Variants in BOC observed in about 807,000 individuals in gnomAD.
BOC encodes the protein BOC cell adhesion associated, oncogene regulated, also known as brother of CDO.
A neutral mutation model predicts 112.0 loss-of-function variants in BOC; 76 were observed. The ratio of observed to expected loss-of-function variants is 0.68; its 90% CI spans 0.56 to 0.82. The LOEUF is 0.82. Ranked by LOEUF, BOC falls within the 40% of genes least tolerant of loss-of-function variation. The pLI is 0.00. For missense variants in BOC, 1,309 were observed against 1,511.7 expected, an observed-to-expected ratio of 0.87 and a Z score of 2.22; for synonymous variants, 580 against 599.8, an observed-to-expected ratio of 0.97 and a Z score of 0.48.
chr3:113,281,304 C>T (rs1173183651), intron 15 of BOC, 151 bp downstream of exon 15: 2 of 968,110 alleles, frequency 2.1e-6, no homozygotes, highest in African/African-American at 1.6e-5. Context: ...GTTTCACTCT[C>T]TACTCATTTG....
chr3:113,251,716 CTG>C, intron 4 of BOC: 1 of 152,318 alleles, frequency 6.6e-6, no homozygotes, highest in East Asian at 1.9e-4. Context: ...TCCCTCCCAA[CTG>C]AATAATTCTG....
chr3:113,220,240 C>T (rs192551035), intron 2 of BOC, among the ~76,000 whole-genome samples: 138 of 152,340 alleles, frequency 9.1e-4, no homozygotes, highest in African/African-American at 3.2e-3. Flanking sequence ...GCAGACCTCT[C>T]TACTGGCTTA....
At chr3:113,247,146 CT>C (rs1208188059) in intron 2 of BOC, among the ~76,000 whole-genome samples, 2 of 152,070 alleles carry the variant, frequency 1.3e-5, no homozygotes, top group Admixed American at 1.3e-4. Flanking sequence ...CATTTTCTGT[CT>C]CCCTACCTCC....
intron 12 of BOC, 147 bp downstream of exon 12, chr3:113,279,602 C>T (rs1403984994): frequency 6.8e-6 from 6 of 879,306 alleles, no homozygotes; most frequent in Non-Finnish European, 8.6e-6. Context: ...GTGGTGTTTA[C>T]CACAGTCCTA....
chr3:113,222,925 G>A (rs1168228263), intron 2 of BOC, among the ~76,000 whole-genome samples: 1 of 152,230 alleles, frequency 6.6e-6, no homozygotes, highest in Non-Finnish European at 1.5e-5. Flanking sequence ...GGCTGGTAGG[G>A]CTGGCCCTGT....
chr3:113,231,153 T>C (rs1325052362), intron 2 of BOC, among the ~76,000 whole-genome samples: 4 of 152,158 alleles, frequency 2.6e-5, no homozygotes, highest in Non-Finnish European at 5.9e-5. Flanking sequence ...TATGGGAAGA[T>C]GGGAAGATAA....
At position 113,249,484 on chromosome 3, in the gene BOC, A is replaced by G. The variant is rs573612087; in HGVS notation, c.-81-238A>G. Among the ~76,000 whole-genome samples, 6 of 152,356 alleles carry G rather than the reference A, an allele frequency of 3.9e-5. No individual in the cohort carries two copies. The East Asian group carries it at 1.2e-3, about 29-fold the overall frequency. On this transcript the variant is annotated intron_variant, in intron 2 of 19. Coordinates refer to ENST00000682979, the MANE Select transcript of BOC (RefSeq NM_001378074.1). ...CACTGGGCAAGACTCCAGCATTCTT[A>G]CTACAATAAAATCACCTTCTAGCTA...
chr3:113,274,950 C>T lies in BOC; in HGVS notation c.1542+268C>T, dbSNP rs1165628692. Among the ~76,000 whole-genome samples, 3 of 152,228 alleles carry T rather than the reference C, an allele frequency of 2.0e-5. No individual in the cohort carries two copies. The highest frequency in any genetic ancestry group is 1.9e-4 in the East Asian group (1 of 5,192). On this transcript the variant is annotated intron_variant, in intron 9 of 19. Coordinates refer to ENST00000682979, the MANE Select transcript of BOC (RefSeq NM_001378074.1). The surrounding 1 kb of genome is among the most constrained non-coding windows in gnomAD (Gnocchi z 4.8). ...TACTAAGCTCTATGCACTCAATTCC[C>T]AGAAGCTCACACTGGCTTCTAGTCC... is the stretch of plus-strand genomic sequence containing the variant.
intron 2 of BOC, among the ~76,000 whole-genome samples, chr3:113,245,107 CTG>C (rs1944746633): frequency 6.6e-6 from 1 of 152,100 alleles, no homozygotes; most frequent in Non-Finnish European, 1.5e-5. Context: ...TTTATTTTCT[CTG>C]AGGTCCCTCC....
chr3:113,220,307 G>T (rs954925442), intron 2 of BOC, among the ~76,000 whole-genome samples: 2 of 152,102 alleles, frequency 1.3e-5, no homozygotes, highest in African/African-American at 4.8e-5. Flanking sequence ...CTTGTTCCTT[G>T]TTTTTTTGTA....
chr3:113,245,650 A>G (rs527859580), intron 2 of BOC, among the ~76,000 whole-genome samples: 16 of 152,344 alleles, frequency 1.1e-4, no homozygotes, highest in African/African-American at 2.9e-4. Flanking sequence ...CAAAATGAAA[A>G]GTAACTTGGA....
At chr3:113,275,843 T>C (rs1328052764) in intron 9 of BOC, among the ~76,000 whole-genome samples, 1 of 152,014 alleles carries the variant, frequency 6.6e-6, no homozygotes, top group Non-Finnish European at 1.5e-5. Context: ...CCTTACATGC[T>C]CTCCTAGAAG....
At chr3:113,213,288 C>T (rs1938616527) in intron 1 of BOC, among the ~76,000 whole-genome samples, 1 of 152,208 alleles carries the variant, frequency 6.6e-6, no homozygotes, top group Non-Finnish European at 1.5e-5. Flanking sequence ...GGCCCTTGTG[C>T]CACCTGCAGA....
intron 18 of BOC, 32 bp downstream of exon 18, chr3:113,284,890 C>T: frequency 6.3e-7 from 1 of 1,588,450 alleles, no homozygotes; most frequent in Non-Finnish European, 8.6e-7. Context: ...CACTCCCAAG[C>T]CCCACAGCCT....
At chr3:113,259,051 C>G (rs1218182876) in intron 4 of BOC, among the ~76,000 whole-genome samples, 1 of 152,204 alleles carries the variant, frequency 6.6e-6, no homozygotes, top group African/African-American at 2.4e-5. Context: ...ATTGGCTACA[C>G]TAGTCCTATT....
chr3:113,271,569 CT>C, intron 6 of BOC: 1 of 204,034 alleles, frequency 4.9e-6, no homozygotes, highest in Non-Finnish European at 1.0e-5. Flanking sequence ...TGAAGTTAAA[CT>C]TCCATCGTCT....
intron 2 of BOC, among the ~76,000 whole-genome samples, chr3:113,241,791 C>T (rs575980986): frequency 6.6e-6 from 1 of 152,290 alleles, no homozygotes; most frequent in East Asian, 1.9e-4. Context: ...GCATTGAAGG[C>T]CAGTGGCTTG....
chr3:113,238,420 A>C (rs947189112), intron 2 of BOC, among the ~76,000 whole-genome samples: 12 of 152,198 alleles, frequency 7.9e-5, no homozygotes, highest in Non-Finnish European at 1.8e-4. Flanking sequence ...AAAAAAAATC[A>C]TAATTCCTCC....
intron 7 of BOC, among the ~76,000 whole-genome samples, 154 bp downstream of exon 7, chr3:113,272,857 G>A (rs116334653): frequency 0.02 from 3,112 of 151,896 alleles, 59 homozygotes; most frequent in Non-Finnish European, 0.03. Context: ...AGGGCTCTTC[G>A]GATCCCAGAG....
Sources: allele counts gnomAD v4.1 joint callset (sites outside exome capture counted in the v4.1 genomes callset), GRCh38; gene constraint gnomAD v4.1.1; non-coding constraint Gnocchi (gnomAD v3.1); transcripts MANE v1.5; gene names NCBI Gene and HGNC (gene_info 2026-07-23, HGNC 2026-07-21).